The following ARIH1 variants were observed in gnomAD, a reference collection of about 807,000 sequenced individuals.
ARIH1 encodes the protein ariadne RBR E3 ubiquitin protein ligase 1, also known as E3 ubiquitin-protein ligase ARIH1.
Under a neutral mutation model 85.0 loss-of-function variants are expected in ARIH1, and 8 were observed. That is an observed-to-expected ratio of 0.09 (90% confidence interval 0.06 to 0.17). The LOEUF (loss-of-function observed/expected upper bound fraction) is 0.17, where lower values mean the gene tolerates loss of function less well. Ranked by LOEUF, ARIH1 falls within the 10% of genes least tolerant of loss-of-function variation. ARIH1 has a pLI of 1.00. For synonymous variants in ARIH1, 238 were observed against 253.6 expected (o/e 0.94, Z 0.59); for missense variants, 311 against 718.1 (o/e 0.43, Z 6.48).
rs542092098 is a variant in ARIH1 at position 72,596,422 on chromosome 15, T to C, written c.*13130T>C. On this transcript the variant is annotated 3_prime_UTR_variant, in exon 14 of 14. Transcript: ENST00000379887. ...TTTTCAGTAGATTGACTAGGGAATG[T>C]CTAGGTATGTTTTTCTTTGTATAGA... 2.6e-5 allele frequency: 4 copies of C among 152,176 alleles called. No individual in the cohort carries two copies. Among genetic ancestry groups the C allele is most frequent in the Non-Finnish European group, 4.4e-5 (3 of 68,024 alleles). The allele number at this position is 152,176 out of a possible 1,614,324, so 9.4% of individuals were successfully genotyped here.
rs185830295 is a variant in ARIH1, at chr15:72,593,881, C to T, written c.*10589C>T. ...CTGTGTTCATGCCACTGCATTCCAG[C>T]TTGGGTGACAGCAAGACCCTGTCAA... On this transcript the variant is annotated 3_prime_UTR_variant, in exon 14 of 14. Coordinates refer to ENST00000379887, the MANE Select transcript of ARIH1 (RefSeq NM_005744.5). 23 of 150,682 alleles carry T rather than the reference C, an allele frequency of 1.5e-4. No homozygotes were observed. Among genetic ancestry groups the T allele is most frequent in the East Asian group, 1.2e-3 (6 of 5,124 alleles). 9.3% of individuals were successfully genotyped at this position (150,682 alleles called of 1,614,324 possible). A position where few individuals can be genotyped will look rare whatever the true frequency, so the allele number is the denominator to read the frequency against.
rs748816194 is a variant in ARIH1, at chr15:72,545,054, G to C, written c.588+90G>C. The C allele has an allele frequency of 1.2e-4, 148 of 1,246,514 alleles. 1 individual carries two copies. The Admixed American group carries it at 1.2e-3, about 10-fold the overall frequency. The allele number at this position is 1,246,514 out of a possible 1,614,324, so 77.2% of individuals were successfully genotyped here. On this transcript the variant is annotated intron_variant, in intron 3 of 13. Coordinates refer to ENST00000379887, the MANE Select transcript of ARIH1 (RefSeq NM_005744.5). ...TATTTAAACAAAGGAAAATTTGTGG[G>C]TCTGGGAGTAGTAACCTCTAAGCCA...
chr15:72,593,555 G>A lies in ARIH1; in HGVS notation c.*10263G>A, dbSNP rs1374179271. On this transcript the variant is annotated 3_prime_UTR_variant, in exon 14 of 14. Coordinates refer to ENST00000379887, the MANE Select transcript of ARIH1 (RefSeq NM_005744.5). ...CCAACATGGATATACAGTTGTTCCA[G>A]CAACATTTACTTAAAAAGACTTTTC... 1 of 152,136 alleles carries A rather than the reference G, an allele frequency of 6.6e-6. No individual in the cohort carries two copies. The highest frequency in any genetic ancestry group is 1.9e-4 in the East Asian group (1 of 5,202). 9.4% of individuals were successfully genotyped at this position (152,136 alleles called of 1,614,324 possible).
rs1295614822 is a variant in ARIH1, at chr15:72,583,687, G to A, written c.*395G>A. On this transcript the variant is annotated 3_prime_UTR_variant, in exon 14 of 14. Transcript: ENST00000379887. ...AGCCATTTTGTTGTACTTTGGTAAA[G>A]GACCTCTTCCCCTTCCTCCCCTACA... The A allele has an allele frequency of 6.2e-6, 1 of 162,146 alleles. No homozygotes were observed. The highest frequency in any genetic ancestry group is 1.3e-5 in the Non-Finnish European group (1 of 74,174). 10.0% of individuals were successfully genotyped at this position (162,146 alleles called of 1,614,324 possible).
At chr15:72,490,488 A>G (rs1203312627) in intron 1 of ARIH1, among the ~76,000 whole-genome samples, 3 of 152,098 alleles carry the variant, frequency 2.0e-5, no homozygotes, top group Admixed American at 6.5e-5. Flanking sequence ...GGCACTCCTT[A>G]TGAGAATCTA....
rs753025725 is a variant in ARIH1 at position 72,474,903 on chromosome 15, T to TGGC, written c.267_269dup (p.Gly90dup). 6.9e-6 allele frequency: 10 copies of TGGC among 1,445,912 alleles called. No homozygotes were observed. Among genetic ancestry groups the TGGC allele is most frequent in the East Asian group, 3.0e-5 (1 of 33,040 alleles). 89.6% of individuals were successfully genotyped at this position (1,445,912 alleles called of 1,614,324 possible). ...GCGGCGGCGGCGGCGGCGGTGGTGGTGGCGGGCCGGGGCATGAGCAGGAGG... is the reference window on the plus strand; with the variant it reads ...GCGGCGGCGGCGGCGGCGGTGGTGGTGGCGGCGGGCCGGGGCATGAGCAGGAGG... On this transcript the variant is annotated inframe_insertion, in exon 1 of 14. Coordinates refer to ENST00000379887, the MANE Select transcript of ARIH1 (RefSeq NM_005744.5).
intron 5 of ARIH1, 32 bp from the exon 6 acceptor site, chr15:72,561,451 A>G (rs533063977): frequency 2.0e-6 from 3 of 1,473,118 alleles, no homozygotes; most frequent in African/African-American, 2.8e-5. Context: ...TTGACTGGAA[A>G]CTTTCTAATC....
At chr15:72,564,577 G>A (rs553662094) in intron 7 of ARIH1, among the ~76,000 whole-genome samples, 1 of 152,104 alleles carries the variant, frequency 6.6e-6, no homozygotes, top group African/African-American at 2.4e-5. Context: ...GTTTCAAATC[G>A]GCTTTCACAT....
intron 1 of ARIH1, among the ~76,000 whole-genome samples, chr15:72,476,805 C>A (rs900620313): frequency 6.6e-6 from 1 of 152,122 alleles, no homozygotes; most frequent in Non-Finnish European, 1.5e-5. Flanking sequence ...TATGGTTCCA[C>A]GTTAATAACA....
intron 11 of ARIH1, among the ~76,000 whole-genome samples, chr15:72,576,810 G>A (rs570206651): frequency 1.3e-3 from 196 of 151,892 alleles, no homozygotes; most frequent in Middle Eastern, 3.4e-3. Context: ...GAACAATTCA[G>A]GGGTTAGGGA....
At chr15:72,509,489 C>G (rs190805364) in intron 1 of ARIH1, among the ~76,000 whole-genome samples, 27 of 152,294 alleles carry the variant, frequency 1.8e-4, no homozygotes, top group Non-Finnish European at 2.6e-4. Flanking sequence ...CATCACCCCT[C>G]AAATTTCTTT....
At chr15:72,491,357 T>C (rs564241379) in intron 1 of ARIH1, among the ~76,000 whole-genome samples, 2 of 151,954 alleles carry the variant, frequency 1.3e-5, no homozygotes, top group African/African-American at 4.8e-5. Context: ...AAATATTGTT[T>C]CTTCCTTGAA....
At chr15:72,485,485 G>A (rs1323236858) in intron 1 of ARIH1, among the ~76,000 whole-genome samples, 1 of 151,476 alleles carries the variant, frequency 6.6e-6, no homozygotes, top group African/African-American at 2.4e-5. Context: ...ATAACAGTGA[G>A]CTATTTTTGT....
intron 1 of ARIH1, among the ~76,000 whole-genome samples, chr15:72,495,755 A>G (rs1202248408): frequency 1.3e-5 from 2 of 152,042 alleles, no homozygotes; most frequent in African/African-American, 4.8e-5. Flanking sequence ...AAATTTCTGT[A>G]TCAAAACACA....
In ARIH1 at chr15:72,541,060, C is replaced by T. The variant is rs866540609; in HGVS notation, c.444-3760C>T. On this transcript the variant is annotated intron_variant, in intron 2 of 13. Coordinates refer to ENST00000379887, the MANE Select transcript of ARIH1 (RefSeq NM_005744.5). ...GGGGCCAACGCTAGTATGGAGGCTG[C>T]GAAGGCCTGGAGCTCTGGGAGCCCA... is the stretch of plus-strand genomic sequence containing the variant. Among the ~76,000 whole-genome samples the T allele has an allele frequency of 5.1e-4, 78 of 152,186 alleles. No homozygotes were observed. The Middle Eastern group carries it at 0.01, about 20-fold the overall frequency.
intron 1 of ARIH1, among the ~76,000 whole-genome samples, chr15:72,512,014 A>G (rs2063952891): frequency 2.0e-5 from 3 of 151,834 alleles, no homozygotes; most frequent in African/African-American, 7.3e-5. Flanking sequence ...CCCAGGACGA[A>G]CCCCACTTGA....
In ARIH1 at chr15:72,560,665, G is replaced by A. The variant is rs78322695; in HGVS notation, c.738-818G>A. 3.2e-3 allele frequency among the ~76,000 whole-genome samples: 481 copies of A among 152,300 alleles called. 3 individuals are homozygous for A. The highest frequency in any genetic ancestry group is 0.011 in the African/African-American group (464 of 41,570). On this transcript the variant is annotated intron_variant, in intron 5 of 13. Transcript: ENST00000379887. ...CTGTTTTGAGGAAATACAAGAATAC[G>A]AATGTGATAGGAGTGCACTGAAAGT...
intron 1 of ARIH1, among the ~76,000 whole-genome samples, chr15:72,492,903 C>T (rs991571798): frequency 6.6e-6 from 1 of 152,168 alleles, no homozygotes; most frequent in Non-Finnish European, 1.5e-5. Context: ...TTAAGGATGG[C>T]AGTAAGCTTG....
intron 2 of ARIH1, among the ~76,000 whole-genome samples, chr15:72,518,744 C>G (rs919779977): frequency 1.3e-5 from 2 of 149,356 alleles, no homozygotes; most frequent in African/African-American, 2.5e-5. Flanking sequence ...GCAGAGATGG[C>G]GCTACTACAC....
Sources: gnomAD v4.1 joint callset for allele counts (sites outside exome capture counted in the v4.1 genomes callset) on GRCh38, gnomAD v4.1.1 for gene constraint, MANE v1.5 for transcripts, NCBI Gene and HGNC (gene_info 2026-07-23, HGNC 2026-07-21) for gene names.